Variants in SDHAF2 observed in about 807,000 individuals in gnomAD.
SDHAF2 encodes the protein succinate dehydrogenase complex assembly factor 2, also known as succinate dehydrogenase assembly factor 2, mitochondrial.
SDHAF2 carries 21 observed loss-of-function variants against 18.5 expected under a neutral mutation model. The ratio of observed to expected loss-of-function variants is 1.13; its 90% confidence interval spans 0.80 to 1.63. The LOEUF (loss-of-function observed/expected upper bound fraction) is 1.63, where lower values mean the gene tolerates loss of function less well. Among genes scored for constraint, SDHAF2 ranks in the 40% most tolerant of loss-of-function variants. SDHAF2 has a pLI of 0.00. For synonymous variants in SDHAF2, 84 were observed against 70.7 expected (o/e 1.19, Z -0.94); for missense variants, 195 against 200.3 (o/e 0.97, Z 0.16).
rs1565131068 is a variant in SDHAF2, at chr11:61,446,477, C to T, written c.*406C>T. 4 of 521,622 alleles carry T rather than the reference C, an allele frequency of 7.7e-6. No homozygotes were observed. In the Admixed American group the frequency reaches 1.1e-4, roughly 14 times the overall value. 32.3% of individuals were successfully genotyped at this position (521,622 alleles called of 1,614,324 possible). A position where few individuals can be genotyped will look rare whatever the true frequency, so the allele number is the denominator to read the frequency against. ...AAGCCTCCCGCCCTCCCTGCAGCTC[C>T]CCGCCCTCAGTGGCCCAGGGCTTTG... On this transcript the variant is annotated 3_prime_UTR_variant, in exon 4 of 4. Transcript: ENST00000301761.
chr11:61,446,402 C>T lies in SDHAF2; in HGVS notation c.*331C>T. The stretch of plus-strand genomic sequence containing the variant: ...CAGTTGTGCTTGCTCATTGCCTCAG[C>T]CCAAGTGTACTCAAAGAAAAGAGGC... On this transcript the variant is annotated 3_prime_UTR_variant, in exon 4 of 4. Transcript: ENST00000301761. The T allele has an allele frequency of 1.7e-6, 1 of 585,152 alleles. No individual in the cohort carries two copies. Among genetic ancestry groups the T allele is most frequent in the Non-Finnish European group, 3.0e-6 (1 of 330,088 alleles). 36.2% of individuals were successfully genotyped at this position (585,152 alleles called of 1,614,324 possible).
Position 61,438,056 on chromosome 11 carries a change from T to A in SDHAF2, c.313T>A (p.Tyr105Asn), listed in dbSNP as rs1485358364. Residue 105 changes from tyrosine (Y) to asparagine (N), a missense_variant, in exon 3 of 4, where the codon TAT becomes AAT. Coordinates refer to ENST00000301761, the MANE Select transcript of SDHAF2 (RefSeq NM_017841.4). ...QHMTEKQLNL[Y>N]DRLINEPSND... ...CATGACAGAAAAGCAGCTGAACCTC[T>A]ATGACCGCCTGATTAACGAGCCTAG... 3.1e-6 allele frequency: 5 copies of A among 1,614,158 alleles called. No homozygotes were observed. The Admixed American group carries it at 8.3e-5, about 27-fold the overall frequency.
chr11:61,438,102 A>G lies in SDHAF2; in HGVS notation c.359A>G (p.Tyr120Cys), dbSNP rs772928706. ...CCTAGTAATGACTGGGATATTTACT[A>G]CTGGGCCACAGGTACTGGGTATGAT... is the stretch of plus-strand genomic sequence containing the variant. ...NEPSNDWDIY[Y>C]WATEAKPAPE... Residue 120 changes from tyrosine to cysteine, a missense_variant, in exon 3 of 4, where the codon TAC becomes TGC. Physicochemically the swap from Tyr to Cys is radical, Grantham distance 194 (BLOSUM62 -2). Transcript: ENST00000301761. 1.2e-6 allele frequency: 2 copies of G among 1,611,472 alleles called. No homozygotes were observed. The highest frequency in any genetic ancestry group is 1.7e-5 in the Admixed American group (1 of 60,020).
intron 1 of SDHAF2, chr11:61,434,057 C>T (rs1861964425): frequency 6.6e-6 from 1 of 152,218 alleles, no homozygotes; most frequent in African/African-American, 2.4e-5. Context: ...CCAGCTTTTT[C>T]TGACTTTTGA....
At chr11:61,442,979 T>C (rs2134898437) in intron 3 of SDHAF2, among the ~76,000 whole-genome samples, 1 of 152,364 alleles carries the variant, frequency 6.6e-6, no homozygotes, top group East Asian at 1.9e-4. Context: ...GGGCTTGAAC[T>C]CCTGGCCTCA....
chr11:61,438,057 A>G lies in SDHAF2; in HGVS notation c.314A>G (p.Tyr105Cys), dbSNP rs1402726087. Residue 105 changes from tyrosine (Y) to cysteine (C), a missense_variant, in exon 3 of 4, where the codon TAT becomes TGT. By Grantham distance (194) the Tyr-to-Cys change is radical (BLOSUM62 -2). Transcript: ENST00000301761. ...ATGACAGAAAAGCAGCTGAACCTCT[A>G]TGACCGCCTGATTAACGAGCCTAGT... Reference protein sequence around the residue: ...QHMTEKQLNLYDRLINEPSND... With the variant: ...QHMTEKQLNLCDRLINEPSND... The G allele has an allele frequency of 2.5e-6, 4 of 1,613,992 alleles. No homozygotes were observed. The highest frequency in any genetic ancestry group is 2.5e-6 in the Non-Finnish European group (3 of 1,180,022).
chr11:61,438,153 A>T (rs780110911), intron 3 of SDHAF2, 40 bp downstream of exon 3: 1 of 1,446,850 alleles, frequency 6.9e-7, no homozygotes, highest in Non-Finnish European at 9.7e-7. Flanking sequence ...AAAATAGGAC[A>T]GTTTAGGCTG....
rs1191017729 is a variant in SDHAF2 at position 61,446,503 on chromosome 11, T to C, written c.*432T>C. Reference sequence around the variant, plus strand: ...CCGCCCTCAGTGGCCCAGGGCTTTGTTGAAGTGGAACTCCCCACTTCCAAC... The same window carrying C: ...CCGCCCTCAGTGGCCCAGGGCTTTGCTGAAGTGGAACTCCCCACTTCCAAC... On this transcript the variant is annotated 3_prime_UTR_variant, in exon 4 of 4. Transcript: ENST00000301761. The C allele has an allele frequency of 1.6e-5, 8 of 502,836 alleles. No homozygotes were observed. Among genetic ancestry groups the C allele is most frequent in the Admixed American group, 1.1e-4 (3 of 27,112 alleles). The allele number at this position is 502,836 out of a possible 1,614,324, so 31.1% of individuals were successfully genotyped here.
intron 1 of SDHAF2, chr11:61,436,095 C>T (rs1462917726): frequency 6.5e-6 from 1 of 154,058 alleles, no homozygotes; most frequent in Non-Finnish European, 1.4e-5. Context: ...GCACTCTAGC[C>T]TGGGCAACAA....
chr11:61,445,067 C>T (rs145357355), intron 3 of SDHAF2, among the ~76,000 whole-genome samples: 11 of 152,154 alleles, frequency 7.2e-5, no homozygotes, highest in South Asian at 2.1e-4. Context: ...AAAACAGAGC[C>T]CTCACTAGAT....
At chr11:61,430,244 C>T (rs1861845062) in intron 1 of SDHAF2, 62 bp downstream of exon 1, 5 of 1,601,664 alleles carry the variant, frequency 3.1e-6, no homozygotes, top group East Asian at 2.2e-5. Context: ...CCTTTGTCTT[C>T]CTCTGTGGTC....
At chr11:61,436,883 G>A in intron 1 of SDHAF2, 1 of 1,288,778 alleles carries the variant, frequency 7.8e-7, no homozygotes, top group South Asian at 1.2e-5. Context: ...ATCTTGATAA[G>A]TTGTCAACTT....
chr11:61,445,835 A>G (rs1160682033), intron 3 of SDHAF2, 106 bp from the exon 4 acceptor site: 37 of 1,260,344 alleles, frequency 2.9e-5, no homozygotes, highest in Middle Eastern at 1.8e-4. Flanking sequence ...GAGACAGTCT[A>G]TATATCCATC....
At chr11:61,436,219 G>A (rs1345748982) in intron 1 of SDHAF2, 1 of 153,182 alleles carries the variant, frequency 6.5e-6, no homozygotes, top group African/African-American at 2.4e-5. Flanking sequence ...GCAGTTTCAG[G>A]GATCCTCTGG....
rs1346862997 is a variant in SDHAF2, at chr11:61,446,071, A to G, written c.501A>G (p.Ter167TrpextTer22). ...AGTACCTCTTTGAAAAGCCACGTTG[A>G]GCTGTGCTCCACGGCCTGGCATGGG... ...DLEYLFEKPR[*>W] Residue 167 changes from the stop codon to tryptophan (W), a stop_lost, in exon 4 of 4, where the codon TGA becomes TGG. Transcript: ENST00000301761. 6.2e-7 allele frequency: 1 copy of G among 1,614,162 alleles called. No individual in the cohort carries two copies. Among genetic ancestry groups the G allele is most frequent in the Admixed American group, 1.7e-5 (1 of 60,024 alleles).
chr11:61,431,679 G>C (rs1343013237), intron 1 of SDHAF2: 1 of 151,908 alleles, frequency 6.6e-6, no homozygotes, highest in South Asian at 2.1e-4. Context: ...CATGTCTTTT[G>C]GTTGGGGAGG....
At chr11:61,443,998 C>T (rs1256814668) in intron 3 of SDHAF2, among the ~76,000 whole-genome samples, 2 of 152,206 alleles carry the variant, frequency 1.3e-5, no homozygotes, top group Admixed American at 6.5e-5. Flanking sequence ...TGGTCTTGAT[C>T]TCCTGACCTC....
At position 61,437,802 on chromosome 11, in the gene SDHAF2, T is replaced by C; in HGVS notation, c.214T>C (p.Tyr72His). The part of the protein sequence containing the change: ...SIETKRARLL[Y>H]ESRKRGMLEN... ...AGAAACCAAAAGAGCCCGCCTGCTC[T>C]ATGAGAGCAGAAAGAGGGGAATGTT... Residue 72 changes from tyrosine (Y) to histidine (H), a missense_variant, in exon 2 of 4, where the codon TAT becomes CAT. Coordinates refer to ENST00000301761, the MANE Select transcript of SDHAF2 (RefSeq NM_017841.4). 1 of 1,614,088 alleles carries C rather than the reference T, an allele frequency of 6.2e-7. No individual in the cohort carries two copies.
chr11:61,441,035 A>C (rs1442868488), intron 3 of SDHAF2, among the ~76,000 whole-genome samples: 1 of 152,076 alleles, frequency 6.6e-6, no homozygotes, highest in Non-Finnish European at 1.5e-5. Context: ...CCTATCTCCA[A>C]AAATAAAAAT....
Sources: gnomAD v4.1 joint callset for allele counts (sites outside exome capture counted in the v4.1 genomes callset) on GRCh38, gnomAD v4.1.1 for gene constraint, MANE v1.5 for transcripts, NCBI Gene and HGNC (gene_info 2026-07-23, HGNC 2026-07-21) for gene names.